Variants in CFAP74 observed in about 807,000 individuals in gnomAD.
The protein encoded by CFAP74 is cilia- and flagella-associated protein 74.
In CFAP74, 124 loss-of-function variants were observed where a neutral mutation model predicts 188.9. The ratio of observed to expected loss-of-function variants is 0.66; its 90% CI spans 0.57 to 0.76. CFAP74 has a LOEUF of 0.76. Ranked by LOEUF, CFAP74 falls within the 30% of genes least tolerant of loss-of-function variation. The pLI is 0.00. For synonymous variants in CFAP74, 956 were observed against 916.7 expected, an observed-to-expected ratio of 1.04 and a Z score of -0.77; for missense variants, 2,198 against 2,165.2, an observed-to-expected ratio of 1.02 and a Z score of -0.30.
chr1:1,945,062 C>T (rs1344576588), intron 20 of CFAP74, among the ~76,000 whole-genome samples: 1 of 152,104 alleles, frequency 6.6e-6, no homozygotes, highest in Non-Finnish European at 1.5e-5. Flanking sequence ...AATTCCAGCA[C>T]TTTGGAGGCC....
At chr1:1,944,501 A>G (rs773152151) in intron 20 of CFAP74, 49 bp from the exon 21 acceptor site, 77 of 1,525,646 alleles carry the variant, frequency 5.0e-5, no homozygotes, top group Non-Finnish European at 6.8e-5. Context: ...TGGGCACAGC[A>G]GGCATTGTTG....
chr1:1,951,121 C>T (rs1654176799), intron 18 of CFAP74, among the ~76,000 whole-genome samples: 1 of 152,114 alleles, frequency 6.6e-6, no homozygotes, highest in Admixed American at 6.5e-5. Context: ...ACCTGGCTGA[C>T]AAGGCCTCAG....
At chr1:1,993,898 C>T (rs111643081) in intron 1 of CFAP74, among the ~76,000 whole-genome samples, 42,606 of 150,252 alleles carry the variant, frequency 0.28, 7,611 homozygotes, top group Non-Finnish European at 0.39. Flanking sequence ...AGGAGAATGG[C>T]GTGAACCCGG....
chr1:1,925,244 G>A (rs1651782042), intron 33 of CFAP74, among the ~76,000 whole-genome samples: 1 of 145,812 alleles, frequency 6.9e-6, no homozygotes, highest in African/African-American at 2.6e-5. Flanking sequence ...GTGAAGGCAT[G>A]AGGGCACACA....
Position 1,930,455 on chromosome 1 carries a change from G to C in CFAP74, c.3012-119C>G, listed in dbSNP as rs116440022. ...GGGGGGGGCTCACAGGGACATGCAC[G>C]TTCCTGCTGCCCAGGGGGTCACTGC... On this transcript the variant is annotated intron_variant, in intron 25 of 38. Transcript: ENST00000682832. 2,792 of 982,050 alleles carry C rather than the reference G, an allele frequency of 2.8e-3. 50 individuals carry two copies. In the African/African-American group the frequency reaches 0.041, roughly 14 times the overall value. 60.8% of individuals were successfully genotyped at this position (982,050 alleles called of 1,614,324 possible).
chr1:1,955,915 G>T (rs987924391), intron 17 of CFAP74, 65 bp from the exon 18 acceptor site: 23 of 1,543,110 alleles, frequency 1.5e-5, no homozygotes, highest in Non-Finnish European at 1.9e-5. Flanking sequence ...GTCAGCTGCC[G>T]GAACTCCCAT....
chr1:1,946,136 G>A (rs907552732), intron 20 of CFAP74, among the ~76,000 whole-genome samples, 181 bp downstream of exon 20: 5 of 151,936 alleles, frequency 3.3e-5, no homozygotes, highest in Admixed American at 2.0e-4. Flanking sequence ...GTATGCCAGT[G>A]TGCGTGTGTG....
chr1:1,931,252 A>AC (rs1441113144), intron 25 of CFAP74, among the ~76,000 whole-genome samples: 1 of 150,314 alleles, frequency 6.7e-6, no homozygotes, highest in African/African-American at 2.5e-5. Flanking sequence ...ACACGGTGAA[A>AC]CCCCGTCTCT....
intron 10 of CFAP74, among the ~76,000 whole-genome samples, chr1:1,969,553 AT>A (rs1272764535): frequency 6.6e-6 from 1 of 151,856 alleles, no homozygotes; most frequent in Non-Finnish European, 1.5e-5. Context: ...CCAAGCCCTT[AT>A]TTCTAGGCTG....
intron 18 of CFAP74, chr1:1,953,729 AT>A (rs1395102254): frequency 6.5e-6 from 1 of 153,682 alleles, no homozygotes; most frequent in Non-Finnish European, 1.5e-5. Flanking sequence ...GCAGGAGTGA[AT>A]TTGAGGTGGA....
At chr1:2,000,159 A>G (rs1658138735) in intron 1 of CFAP74, among the ~76,000 whole-genome samples, 1 of 152,142 alleles carries the variant, frequency 6.6e-6, no homozygotes, top group Non-Finnish European at 1.5e-5. Flanking sequence ...GCGAGACTCC[A>G]TCTCAAAAAA....
Position 1,971,065 on chromosome 1 carries a change from ACGCACACC to A in CFAP74, c.889-257_889-250del, listed in dbSNP as rs565242978. On this transcript the variant is annotated intron_variant, in intron 9 of 38. Transcript: ENST00000682832. Reference sequence around the variant, plus strand: ...CACACGTGCACACACATGCTCACACACGCACACCTGCACACACTCATACATGCACACCT... The same window carrying A: ...CACACGTGCACACACATGCTCACACATGCACACACTCATACATGCACACCT... Among the ~76,000 whole-genome samples, 103 of 141,674 alleles carry A rather than the reference ACGCACACC, an allele frequency of 7.3e-4. 1 individual carries two copies. Among genetic ancestry groups the A allele is most frequent in the African/African-American group, 2.9e-3 (100 of 34,374 alleles). 92.9% of individuals were successfully genotyped at this position (141,674 alleles called of 152,430 possible). A position where few individuals can be genotyped will look rare whatever the true frequency, so the allele number is the denominator to read the frequency against.
At chr1:1,964,819 G>C in intron 13 of CFAP74, 69 bp downstream of exon 13, 1 of 1,562,256 alleles carries the variant, frequency 6.4e-7, no homozygotes, top group Non-Finnish European at 8.7e-7. Context: ...CAGGGGTTGG[G>C]CTGCGGCAGG....
At chr1:1,956,137 C>T (rs1654608043) in intron 17 of CFAP74, among the ~76,000 whole-genome samples, 1 of 152,262 alleles carries the variant, frequency 6.6e-6, no homozygotes, top group African/African-American at 2.4e-5. Context: ...ACATCTTCCT[C>T]TTGGTCCAAC....
At chr1:1,977,008 G>A (rs1656495270) in intron 6 of CFAP74, among the ~76,000 whole-genome samples, 1 of 151,518 alleles carries the variant, frequency 6.6e-6, no homozygotes, top group Admixed American at 6.6e-5. Context: ...ACCATGCCCG[G>A]CTAATTTTTT....
chr1:1,930,036 C>A (rs1341618437), intron 26 of CFAP74, 24 bp downstream of exon 26: 1 of 1,488,976 alleles, frequency 6.7e-7, no homozygotes, highest in South Asian at 1.3e-5. Context: ...TGCTTCCCAG[C>A]CTGCATGTGG....
At chr1:1,956,357 A>G (rs1405295438) in intron 17 of CFAP74, among the ~76,000 whole-genome samples, 3 of 152,058 alleles carry the variant, frequency 2.0e-5, no homozygotes, top group African/African-American at 7.2e-5. Flanking sequence ...TCGGGCCTGG[A>G]GCTGCTGGCC....
In CFAP74 at chr1:1,975,213, C is replaced by T. The variant is rs926844687; in HGVS notation, c.501-1015G>A. On this transcript the variant is annotated intron_variant, in intron 6 of 38. Transcript: ENST00000682832. This position sits in a 1 kb window ranked among gnomAD's most constrained non-coding sequence, Gnocchi z 4.5. Reference sequence around the variant, plus strand: ...CAGTCTCTCTCCCCACTGCAACACCCGGGGCAGGGGTCCCACCGCCTTGGC... The same window carrying T: ...CAGTCTCTCTCCCCACTGCAACACCTGGGGCAGGGGTCCCACCGCCTTGGC... Among the ~76,000 whole-genome samples, 2 of 152,202 alleles carry T rather than the reference C, an allele frequency of 1.3e-5. No homozygotes were observed. The highest frequency in any genetic ancestry group is 2.9e-5 in the Non-Finnish European group (2 of 68,038).
At position 1,924,605 on chromosome 1, in the gene CFAP74, T is replaced by A. The variant is rs3737630; in HGVS notation, c.4105-85A>T. ...TCGTCGGTGCCCAGGACTTGGCTGG[T>A]GCTATGAGGCCACACCCAAGTGGGG... On this transcript the variant is annotated intron_variant, in intron 33 of 38. Coordinates refer to ENST00000682832, the MANE Select transcript of CFAP74 (RefSeq NM_001304360.2). 2.2e-5 allele frequency: 32 copies of A among 1,463,630 alleles called. No homozygotes were observed. In the East Asian group the frequency reaches 8.1e-4, roughly 37 times the overall value. 90.7% of individuals were successfully genotyped at this position (1,463,630 alleles called of 1,614,324 possible). A position where few individuals can be genotyped will look rare whatever the true frequency, so the allele number is the denominator to read the frequency against.
Sources: gnomAD v4.1 joint callset for allele counts (sites outside exome capture counted in the v4.1 genomes callset) on GRCh38, gnomAD v4.1.1 for gene constraint, Gnocchi (gnomAD v3.1) non-coding constraint, MANE v1.5 for transcripts, NCBI Gene and HGNC (gene_info 2026-07-23, HGNC 2026-07-21) for gene names.